The following NEB variants were observed in gnomAD, a reference collection of about 807,000 sequenced individuals.
NEB encodes the protein nebulin.
Under a neutral mutation model 952.2 loss-of-function variants are expected in NEB, and 512 were observed. The observed-to-expected ratio is 0.54, with a 90% CI of 0.50 to 0.58. The LOEUF (loss-of-function observed/expected upper bound fraction) is 0.58, where lower values mean the gene tolerates loss of function less well. NEB is among the 20% of genes least tolerant of loss of function. The pLI is 0.00. For synonymous variants in NEB, 2,900 were observed against 3,149.8 expected (o/e 0.92, Z 2.66); for missense variants, 8,428 against 9,231.1 (o/e 0.91, Z 3.56).
At chr2:151,621,090 G>T in intron 71 of NEB, 64 bp from the exon 72 acceptor site, 1 of 1,335,966 alleles carries the variant, frequency 7.5e-7, no homozygotes, top group Non-Finnish European at 1.0e-6. Context: ...TATATTTTCT[G>T]CCAAAGGAAG....
At chr2:151,726,342 T>C (rs1004935526) in intron 5 of NEB, among the ~76,000 whole-genome samples, 2 of 152,214 alleles carry the variant, frequency 1.3e-5, no homozygotes, top group Admixed American at 6.5e-5. Flanking sequence ...AAATCTTGTT[T>C]CTAGAAACCT....
At chr2:151,568,542 T>G in intron 111 of NEB, 76 bp downstream of exon 111, 1 of 1,431,584 alleles carries the variant, frequency 7.0e-7, no homozygotes, top group Non-Finnish European at 9.7e-7. Flanking sequence ...GATTGCATTC[T>G]GAGTGTAAGT....
chr2:151,632,630 C>T (rs909772884), intron 65 of NEB, among the ~76,000 whole-genome samples: 1 of 148,564 alleles, frequency 6.7e-6, no homozygotes, highest in Non-Finnish European at 1.5e-5. Context: ...AATCCGAGAT[C>T]GCGCCACTGC....
chr2:151,713,948 T>C (rs2099752447), intron 10 of NEB, among the ~76,000 whole-genome samples: 1 of 152,012 alleles, frequency 6.6e-6, no homozygotes, highest in African/African-American at 2.4e-5. Context: ...AAGAAAAGGG[T>C]GTGAGGATGA....
In NEB at chr2:151,675,351, T is replaced by C. The variant is rs925465070; in HGVS notation, c.3815A>G (p.Tyr1272Cys). The change falls in exon 35 of 182, where the codon TAC (tyrosine) becomes TGC (cysteine). Residue 1272 changes from tyrosine (Y) to cysteine (C), a missense_variant. Around this residue, in one of 11 missense-constraint regions of NEB, gnomAD observed 2,851 missense variants for 2,791.5 expected, o/e 1.02. Coordinates refer to ENST00000397345, the MANE Select transcript of NEB (RefSeq NM_001164508.2). ...KAKGEDVKHK[Y>C]TMSPDLPQFL... ...CTGAGGAAGATCAGGACTCATGGTG[T>C]ATTTATGTTTCACATCTTCTCCTTT... 1.9e-6 allele frequency: 3 copies of C among 1,591,768 alleles called. No homozygotes were observed. The highest frequency in any genetic ancestry group is 3.3e-4 in the Middle Eastern group (2 of 6,030).
intron 39 of NEB, 93 bp downstream of exon 39, chr2:151,668,934 A>AT: frequency 1.1e-6 from 1 of 937,658 alleles, no homozygotes; most frequent in South Asian, 1.6e-5. Flanking sequence ...TCCACACTGA[A>AT]TTGCGCCCCC....
chr2:151,693,536 G>A (rs573755765), intron 20 of NEB, among the ~76,000 whole-genome samples: 12 of 151,852 alleles, frequency 7.9e-5, no homozygotes, highest in East Asian at 1.9e-4. Context: ...CTGTTCCTGC[G>A]TTAGTTTGCT....
chr2:151,591,507 G>A (rs1211725728), intron 95 of NEB, 52 bp from the exon 96 acceptor site: 2 of 1,392,224 alleles, frequency 1.4e-6, no homozygotes, highest in African/African-American at 2.9e-5. Flanking sequence ...GAGCTACTGA[G>A]TCAGCATTAC....
In NEB at chr2:151,526,229, C is replaced by G. The variant is rs754715428; in HGVS notation, c.21979G>C (p.Gly7327Arg). 14 of 1,613,214 alleles carry G rather than the reference C, an allele frequency of 8.7e-6. No individual in the cohort carries two copies. The highest frequency in any genetic ancestry group is 1.2e-5 in the Non-Finnish European group (14 of 1,179,588). The change falls in exon 149 of 182, where the codon GGA becomes CGA. Residue 7327 changes from glycine (G) to arginine (R), a missense_variant. By Grantham distance (125) the Gly-to-Arg change is moderately radical. Coordinates refer to ENST00000397345, the MANE Select transcript of NEB (RefSeq NM_001164508.2). ...KYKEKHVKER[G>R]TCHAVPDTPQ... ...GTGTCAGGTACGGCATGGCAGGTTC[C>G]TCTTTCCTTGACATGTTTCTCTTTG... is the stretch of plus-strand genomic sequence containing the variant.
intron 75 of NEB, among the ~76,000 whole-genome samples, chr2:151,616,890 A>T (rs1454237529): frequency 1.3e-5 from 2 of 152,224 alleles, no homozygotes; most frequent in African/African-American, 4.8e-5. Context: ...ACAATGATTC[A>T]TATATGGACC....
At chr2:151,534,296 CT>C in intron 142 of NEB, 2 of 1,613,526 alleles carry the variant, frequency 1.2e-6, no homozygotes, top group Non-Finnish European at 1.7e-6. Context: ...CTTTCCGCTG[CT>C]CATAATCAGC....
intron 138 of NEB, 92 bp from the exon 139 acceptor site, chr2:151,538,336 G>A (rs2093528407): frequency 2.1e-6 from 2 of 949,768 alleles, no homozygotes; most frequent in Non-Finnish European, 3.3e-6. Flanking sequence ...CTTCTCTCTG[G>A]TTTTCCCATG....
At position 151,672,470 on chromosome 2, in the gene NEB, C is replaced by T. The variant is rs113174390; in HGVS notation, c.4198G>A (p.Ala1400Thr). Residue 1400 changes from alanine to threonine, a missense_variant, in exon 37 of 182, where the codon GCT (alanine) becomes ACT (threonine). Transcript: ENST00000397345. ...ITAAKMAQDV[A>T]TNVNYKQPLH... ...GGCTGTTTGTAGTTGACATTGGTAG[C>T]GACATCCTGGGCCATCTTTGCAGCT... 232 of 1,613,970 alleles carry T rather than the reference C, an allele frequency of 1.4e-4. No homozygotes were observed. In the African/African-American group the frequency reaches 1.5e-3, roughly 11 times the overall value.
chr2:151,631,155 G>C lies in NEB; in HGVS notation c.9606C>G (p.Leu3202=), dbSNP rs1574423035. The C allele has an allele frequency of 3.7e-6, 6 of 1,613,906 alleles. No individual in the cohort carries two copies. The highest frequency in any genetic ancestry group is 5.1e-6 in the Non-Finnish European group (6 of 1,179,826). ...LEQVLAKNNA[L]NMNKRLYTEA... ...AGCTAGGACTCACCTTATTCATGTT[G>C]AGAGCATTGTTCTTGGCCAGCACCT... is the stretch of plus-strand genomic sequence containing the variant. Residue 3202 remains leucine, a synonymous_variant, in exon 66 of 182, where the codon CTC becomes CTG. Coordinates refer to ENST00000397345, the MANE Select transcript of NEB (RefSeq NM_001164508.2).
Position 151,608,575 on chromosome 2 carries a change from A to C in NEB, c.12432T>G (p.Asn4144Lys). The C allele has an allele frequency of 7.6e-6, 1 of 132,386 alleles. No homozygotes were observed. Among genetic ancestry groups the C allele is most frequent in the Non-Finnish European group, 1.3e-5 (1 of 76,276 alleles). 8.2% of individuals were successfully genotyped at this position (132,386 alleles called of 1,614,324 possible). A position where few individuals can be genotyped will look rare whatever the true frequency, so the allele number is the denominator to read the frequency against. Residue 4144 changes from asparagine (N) to lysine (K), a missense_variant, in exon 82 of 182, where the codon AAT becomes AAG. Coordinates refer to ENST00000397345, the MANE Select transcript of NEB (RefSeq NM_001164508.2). Reference protein sequence around the residue: ...NRVKVAQDLVNERLYRTRPEA... With the variant: ...NRVKVAQDLVKERLYRTRPEA... ...CTGGACGTGTCCTATAGAGTCTTTC[A>C]TTCACGAGGTCTTGAGCAACCTTCA... is the stretch of plus-strand genomic sequence containing the variant.
chr2:151,710,715 G>C (rs1464079552), intron 10 of NEB, among the ~76,000 whole-genome samples, 177 bp from the exon 11 acceptor site: 1 of 152,148 alleles, frequency 6.6e-6, no homozygotes, highest in African/African-American at 2.4e-5. Flanking sequence ...CAACCAGAAA[G>C]TTGGGCGATA....
intron 170 of NEB, 44 bp from the exon 171 acceptor site, chr2:151,497,762 T>C: frequency 1.3e-6 from 2 of 1,550,716 alleles, no homozygotes; most frequent in Non-Finnish European, 1.7e-6. Flanking sequence ...ATGAGTAACA[T>C]TTCATTTCTT....
At chr2:151,614,254 G>A in intron 77 of NEB, 22 bp downstream of exon 77, 1 of 1,605,188 alleles carries the variant, frequency 6.2e-7, no homozygotes, top group Non-Finnish European at 8.5e-7. Context: ...AACCATTACT[G>A]AAGAATATTA....
chr2:151,733,186 CT>C lies in NEB; in HGVS notation c.-29-2del, dbSNP rs756856551. Reference sequence around the variant, plus strand: ...CCAGAGTAGTAGTGGCACCTACAAACTTTTCATATTCCATACAAATGAAAAC... The same window carrying C: ...CCAGAGTAGTAGTGGCACCTACAAACTTTCATATTCCATACAAATGAAAAC... On this transcript the variant is annotated splice_acceptor_variant, in intron 2 of 181. Transcript: ENST00000397345. LOFTEE classifies it low-confidence loss of function (5UTR_SPLICE). 1.9e-6 allele frequency: 3 copies of C among 1,589,350 alleles called. No individual in the cohort carries two copies. The highest frequency in any genetic ancestry group is 2.6e-6 in the Non-Finnish European group (3 of 1,165,650).
Sources: gnomAD v4.1 joint callset for allele counts (sites outside exome capture counted in the v4.1 genomes callset) on GRCh38, gnomAD v4.1.1 for gene constraint, gnomAD v4.1.1 regional missense constraint, MANE v1.5 for transcripts, NCBI Gene and HGNC (gene_info 2026-07-23, HGNC 2026-07-21) for gene names.